Variants in ZSWIM5 observed in about 807,000 individuals in gnomAD.
ZSWIM5 encodes zinc finger SWIM-type containing 5, also known as zinc finger SWIM domain-containing protein 5.
A neutral mutation model predicts 119.6 loss-of-function variants in ZSWIM5; 55 were observed. The ratio of observed to expected loss-of-function variants is 0.46; its 90% CI spans 0.37 to 0.58. The LOEUF (loss-of-function observed/expected upper bound fraction) is 0.58, where lower values mean the gene tolerates loss of function less well. ZSWIM5 is among the 20% of genes least tolerant of loss of function. The pLI is 0.00. For missense variants in ZSWIM5, 1,193 were observed against 1,512.8 expected, an observed-to-expected ratio of 0.79 and a Z score of 3.51; for synonymous variants, 537 against 606.9, an observed-to-expected ratio of 0.88 and a Z score of 1.69.
In ZSWIM5 at chr1:45,188,030, T is replaced by C. The variant is rs114148970; in HGVS notation, c.595+17726A>G. Among the ~76,000 whole-genome samples the C allele has an allele frequency of 4.6e-3, 707 of 152,238 alleles. 8 individuals are homozygous for C. The highest frequency in any genetic ancestry group is 0.016 in the African/African-American group (660 of 41,544). On this transcript the variant is annotated intron_variant, in intron 1 of 13. Coordinates refer to ENST00000359600, the MANE Select transcript of ZSWIM5 (RefSeq NM_020883.2). ...TTATAAAATGATGCACTTTGGAAAA[T>C]AGTTTGGCAGTTCCTCAAAATGTTA...
At chr1:45,158,209 G>C (rs1645842786) in intron 1 of ZSWIM5, among the ~76,000 whole-genome samples, 1 of 152,036 alleles carries the variant, frequency 6.6e-6, no homozygotes, top group South Asian at 2.1e-4. Context: ...CTGTCGCCCA[G>C]GCTGGAGTGC....
Position 45,019,017 on chromosome 1 carries a change from G to A in ZSWIM5, c.2995C>T (p.Gln999Ter). 1 of 1,614,242 alleles carries A rather than the reference G, an allele frequency of 6.2e-7. No individual in the cohort carries two copies. Among genetic ancestry groups the A allele is most frequent in the Non-Finnish European group, 8.5e-7 (1 of 1,180,038 alleles). The part of the protein sequence containing the change: ...DAAAGGMTHS[Q>*]LFTIARYMEL... ...ATGTAGCGGGCGATGGTGAACAGCTGTGAATGGGTCATACCACCAGCAGCA... is the reference window on the plus strand; with the variant it reads ...ATGTAGCGGGCGATGGTGAACAGCTATGAATGGGTCATACCACCAGCAGCA... Residue 999 changes from glutamine (Q) to a stop codon, truncating the protein, a stop_gained, in exon 14 of 14, where the codon CAG (glutamine) becomes TAG (stop). Coordinates refer to ENST00000359600, the MANE Select transcript of ZSWIM5 (RefSeq NM_020883.2). LOFTEE classifies it high-confidence loss of function. The surrounding 1 kb of genome is among the most constrained non-coding windows in gnomAD (Gnocchi z 5.0).
intron 1 of ZSWIM5, among the ~76,000 whole-genome samples, chr1:45,169,060 C>T (rs945923038): frequency 1.8e-4 from 27 of 152,184 alleles, no homozygotes; most frequent in African/African-American, 6.5e-4. Flanking sequence ...GCTAACTTTC[C>T]ACTATCAATG....
intron 1 of ZSWIM5, among the ~76,000 whole-genome samples, chr1:45,197,139 T>C (rs1371883372): frequency 6.6e-6 from 1 of 152,262 alleles, no homozygotes; most frequent in Non-Finnish European, 1.5e-5. Context: ...TACATGAACC[T>C]GTTTGGGAAC....
chr1:45,047,379 G>A (rs1645062374), intron 5 of ZSWIM5, among the ~76,000 whole-genome samples: 1 of 152,126 alleles, frequency 6.6e-6, no homozygotes, highest in Non-Finnish European at 1.5e-5. Flanking sequence ...TGAATTCAAG[G>A]GAGACTAAGA....
chr1:45,185,253 G>A (rs1646050010), intron 1 of ZSWIM5, among the ~76,000 whole-genome samples: 1 of 150,608 alleles, frequency 6.6e-6, no homozygotes, highest in African/African-American at 2.4e-5. Flanking sequence ...ATTAATTCAA[G>A]ATGGATTAAA....
chr1:45,156,554 G>A (rs1382315997), intron 1 of ZSWIM5, among the ~76,000 whole-genome samples: 1 of 151,948 alleles, frequency 6.6e-6, no homozygotes, highest in African/African-American at 2.4e-5. Flanking sequence ...TCCAAGACAG[G>A]GGACTCTGGA....
chr1:45,016,437 T>G lies in ZSWIM5; in HGVS notation c.*2017A>C, dbSNP rs1644853780. On this transcript the variant is annotated 3_prime_UTR_variant, in exon 14 of 14. Coordinates refer to ENST00000359600, the MANE Select transcript of ZSWIM5 (RefSeq NM_020883.2). ...ATGATCTTTTATGTGATCCATGATTTATTCATAGAAAAGCACTGTGAATTC... is the reference window on the plus strand; with the variant it reads ...ATGATCTTTTATGTGATCCATGATTGATTCATAGAAAAGCACTGTGAATTC... The G allele has an allele frequency of 6.6e-6, 1 of 152,202 alleles. No homozygotes were observed. Among genetic ancestry groups the G allele is most frequent in the South Asian group, 2.1e-4 (1 of 4,832 alleles). The allele number at this position is 152,202 out of a possible 1,614,324, so 9.4% of individuals were successfully genotyped here. A position where few individuals can be genotyped will look rare whatever the true frequency, so the allele number is the denominator to read the frequency against.
chr1:45,185,944 A>G (rs1387606376), intron 1 of ZSWIM5, among the ~76,000 whole-genome samples: 1 of 152,212 alleles, frequency 6.6e-6, no homozygotes, highest in Admixed American at 6.5e-5. Flanking sequence ...ATAAAGACAC[A>G]TGCACACGTA....
rs138105780 is a variant in ZSWIM5, at chr1:45,019,864, G to A, written c.2695+202C>T. 2.2e-4 allele frequency among the ~76,000 whole-genome samples: 34 copies of A among 152,286 alleles called. 1 individual carries two copies. In the South Asian group the frequency reaches 3.9e-3, roughly 18 times the overall value. On this transcript the variant is annotated intron_variant, in intron 13 of 13. Transcript: ENST00000359600. This position sits in a 1 kb window ranked among gnomAD's most constrained non-coding sequence, Gnocchi z 5.0. ...CAAGGGCTGCTGACATCAGGATATGGTTCAAGCAGTGAAGACAGGGCTTGG... is the reference window on the plus strand; with the variant it reads ...CAAGGGCTGCTGACATCAGGATATGATTCAAGCAGTGAAGACAGGGCTTGG...
At chr1:45,082,071 A>G (rs1214673628) in intron 2 of ZSWIM5, among the ~76,000 whole-genome samples, 1 of 152,064 alleles carries the variant, frequency 6.6e-6, no homozygotes, top group Non-Finnish European at 1.5e-5. Context: ...GTCCACTCAG[A>G]GTTAAATGGA....
At chr1:45,099,142 A>AGACC (rs1473941644) in intron 1 of ZSWIM5, among the ~76,000 whole-genome samples, 1 of 152,208 alleles carries the variant, frequency 6.6e-6, no homozygotes, top group African/African-American at 2.4e-5. Context: ...CAAAATTGAT[A>AGACC]GACCGCTAGC....
At chr1:45,191,155 C>G (rs1010270266) in intron 1 of ZSWIM5, among the ~76,000 whole-genome samples, 10 of 151,548 alleles carry the variant, frequency 6.6e-5, no homozygotes, top group African/African-American at 2.4e-4. Context: ...CCGCCCGCTC[C>G]TTATCCTGAC....
In ZSWIM5 at chr1:45,146,640, A is replaced by T. The variant is rs144971813; in HGVS notation, c.596-58403T>A. Among the ~76,000 whole-genome samples, 695 of 151,818 alleles carry T rather than the reference A, an allele frequency of 4.6e-3. 8 individuals carry two copies. The highest frequency in any genetic ancestry group is 0.016 in the African/African-American group (654 of 41,364). Reference sequence around the variant, plus strand: ...TTTTTAGTAGAGACAGGGTTTCACCATGTTGGCCAGGCTGGTCTCGAACTC... The same window carrying T: ...TTTTTAGTAGAGACAGGGTTTCACCTTGTTGGCCAGGCTGGTCTCGAACTC... On this transcript the variant is annotated intron_variant, in intron 1 of 13. Transcript: ENST00000359600.
chr1:45,137,878 G>A (rs985769215), intron 1 of ZSWIM5, among the ~76,000 whole-genome samples: 9 of 152,184 alleles, frequency 5.9e-5, no homozygotes, highest in Non-Finnish European at 1.2e-4. Flanking sequence ...CATCCTGGCT[G>A]CTGTGTTGAG....
intron 1 of ZSWIM5, among the ~76,000 whole-genome samples, chr1:45,130,270 T>C (rs1645647527): frequency 6.6e-6 from 1 of 152,100 alleles, no homozygotes; most frequent in Non-Finnish European, 1.5e-5. Context: ...AACCTATTAA[T>C]AGGATGAAAG....
intron 1 of ZSWIM5, among the ~76,000 whole-genome samples, chr1:45,098,682 A>G (rs1186989273): frequency 6.6e-6 from 1 of 152,220 alleles, no homozygotes; most frequent in African/African-American, 2.4e-5. Flanking sequence ...AAAGAACAGA[A>G]ATCACAACAA....
intron 1 of ZSWIM5, among the ~76,000 whole-genome samples, chr1:45,143,749 T>C (rs1240983753): frequency 2.6e-5 from 4 of 152,072 alleles, no homozygotes; most frequent in Non-Finnish European, 5.9e-5. Context: ...GATAACATGA[T>C]TGTCTACCTA....
intron 2 of ZSWIM5, among the ~76,000 whole-genome samples, chr1:45,080,382 G>C (rs977706603): frequency 6.6e-6 from 1 of 152,124 alleles, no homozygotes; most frequent in Non-Finnish European, 1.5e-5. Context: ...AGCTGAGTTT[G>C]GTCTGGTTTT....
Sources: allele counts gnomAD v4.1 joint callset (sites outside exome capture counted in the v4.1 genomes callset), GRCh38; gene constraint gnomAD v4.1.1; non-coding constraint Gnocchi (gnomAD v3.1); transcripts MANE v1.5; gene names NCBI Gene and HGNC (gene_info 2026-07-23, HGNC 2026-07-21).